The following LRPPRC variants were observed in gnomAD, a reference collection of about 807,000 sequenced individuals.
LRPPRC encodes leucine-rich PPR motif-containing protein, mitochondrial.
Under a neutral mutation model 180.3 loss-of-function variants are expected in LRPPRC, and 120 were observed. The observed-to-expected ratio is 0.67, with a 90% CI of 0.57 to 0.77. The LOEUF is 0.77. Ranked by LOEUF, LRPPRC falls within the 30% of genes least tolerant of loss-of-function variation. The pLI is 0.00. For missense variants in LRPPRC, 2,012 were observed against 1,657.2 expected (o/e 1.21, Z -3.72); for synonymous variants, 723 against 600.0 (o/e 1.21, Z -3.00).
intron 14 of LRPPRC, among the ~76,000 whole-genome samples, chr2:43,957,168 C>T (rs1357535111): frequency 6.6e-6 from 1 of 152,156 alleles, no homozygotes. Context: ...GGATCTTTAC[C>T]AAACCTGTGT....
intron 35 of LRPPRC, among the ~76,000 whole-genome samples, chr2:43,895,599 C>A (rs1006425035): frequency 1.3e-5 from 2 of 152,116 alleles, no homozygotes; most frequent in Non-Finnish European, 2.9e-5. Context: ...TAAATATTTT[C>A]TAAAAGTTGT....
At chr2:43,911,006 G>A (rs994797560) in intron 30 of LRPPRC, among the ~76,000 whole-genome samples, 4 of 151,816 alleles carry the variant, frequency 2.6e-5, no homozygotes, top group African/African-American at 9.7e-5. Context: ...ATCACAGAGA[G>A]GGTTGGGATG....
At chr2:43,956,708 G>A (rs1221484351) in intron 14 of LRPPRC, among the ~76,000 whole-genome samples, 1 of 152,074 alleles carries the variant, frequency 6.6e-6, no homozygotes, top group Non-Finnish European at 1.5e-5. Flanking sequence ...TGGCCAACAT[G>A]GTGAAACCCC....
intron 2 of LRPPRC, among the ~76,000 whole-genome samples, chr2:43,980,387 C>G (rs992018302): frequency 6.6e-6 from 1 of 151,904 alleles, no homozygotes. Context: ...AACCCTGTCT[C>G]TACTAAAAAT....
At chr2:43,969,078 A>G (rs531851819) in intron 11 of LRPPRC, among the ~76,000 whole-genome samples, 9 of 152,172 alleles carry the variant, frequency 5.9e-5, no homozygotes, top group Non-Finnish European at 8.8e-5. Context: ...ACAAAAGTAT[A>G]AAGTAATTTC....
In LRPPRC at chr2:43,973,726, A is replaced by G. The variant is rs149449510; in HGVS notation, c.1262-12T>C. The G allele has an allele frequency of 2.9e-4, 460 of 1,604,664 alleles. 3 individuals are homozygous for G. In the East Asian group the frequency reaches 8.8e-3, roughly 31 times the overall value. On this transcript the variant is annotated splice_polypyrimidine_tract_variant and intron_variant, in intron 10 of 37. Coordinates refer to ENST00000260665, the MANE Select transcript of LRPPRC (RefSeq NM_133259.4). ...GGCTTTTGCCAAATCTGAAAGAGAT[A>G]TCATAAAAGATCACAAAGCTACCTC...
At chr2:43,918,582 A>G (rs1312952012) in intron 27 of LRPPRC, among the ~76,000 whole-genome samples, 184 bp from the exon 28 acceptor site, 1 of 152,004 alleles carries the variant, frequency 6.6e-6, no homozygotes, top group Non-Finnish European at 1.5e-5. Context: ...GTACTTCTGA[A>G]TTACAAACCA....
intron 6 of LRPPRC, among the ~76,000 whole-genome samples, chr2:43,975,864 T>C (rs937519017): frequency 6.6e-6 from 1 of 152,124 alleles, no homozygotes; most frequent in Non-Finnish European, 1.5e-5. Flanking sequence ...ATTACAGGCA[T>C]GAGCCACCAC....
At chr2:43,942,684 T>G (rs1672525652) in intron 23 of LRPPRC, among the ~76,000 whole-genome samples, 1 of 152,072 alleles carries the variant, frequency 6.6e-6, no homozygotes. Context: ...ACCAGAAATT[T>G]GGGGAAAACA....
chr2:43,889,606 C>A (rs1275855735), intron 37 of LRPPRC, 128 bp downstream of exon 37: 2 of 821,230 alleles, frequency 2.4e-6, no homozygotes, highest in Non-Finnish European at 4.2e-6. Context: ...TCAAGCCATC[C>A]CCTGAGGGCT....
intron 27 of LRPPRC, among the ~76,000 whole-genome samples, chr2:43,922,609 A>G (rs1168717754): frequency 6.6e-6 from 1 of 152,172 alleles, no homozygotes; most frequent in Non-Finnish European, 1.5e-5. Context: ...AATACAAAAA[A>G]TTAGCCAGGT....
chr2:43,930,929 G>A (rs533596648), intron 25 of LRPPRC, among the ~76,000 whole-genome samples: 18 of 152,156 alleles, frequency 1.2e-4, no homozygotes, highest in African/African-American at 4.3e-4. Context: ...GACCTTTTCA[G>A]GTACTTCATT....
Position 43,976,173 on chromosome 2 carries a change from C to G in LRPPRC, c.707G>C (p.Ser236Thr), listed in dbSNP as rs150677004. 1.9e-6 allele frequency: 3 copies of G among 1,612,634 alleles called. No homozygotes were observed. The African/African-American group carries it at 4.0e-5, about 22-fold the overall frequency. Residue 236 changes from serine (S) to threonine (T), a missense_variant, in exon 6 of 38, where the codon AGT (serine) becomes ACT (threonine). Physicochemically the swap from Ser to Thr is moderately conservative, Grantham distance 58. Coordinates refer to ENST00000260665, the MANE Select transcript of LRPPRC (RefSeq NM_133259.4). ...KDLPVTEAVF[S>T]ALVTGHARAG... ...TCTGGCATGCCCTGTCACAAGGGCA[C>G]TGAATACTGCCTCTGTAACTGGGAG...
intron 13 of LRPPRC, chr2:43,959,301 AACT>A: frequency 1.5e-6 from 1 of 688,162 alleles, no homozygotes; most frequent in Non-Finnish European, 2.7e-6. Flanking sequence ...TGACTCAAAT[AACT>A]ACAACAGTCA....
intron 14 of LRPPRC, among the ~76,000 whole-genome samples, chr2:43,953,701 C>G (rs538745665): frequency 6.6e-6 from 1 of 152,080 alleles, no homozygotes; most frequent in East Asian, 1.9e-4. Context: ...AATCCATTTT[C>G]GAATATTTTC....
intron 29 of LRPPRC, among the ~76,000 whole-genome samples, chr2:43,913,754 T>G (rs781526000): frequency 1.1e-4 from 16 of 152,208 alleles, no homozygotes; most frequent in Admixed American, 3.3e-4. Flanking sequence ...AATTTCCAAG[T>G]GCTTTACACT....
chr2:43,996,160 C>T (rs116993909), upstream of LRPPRC, among the ~76,000 whole-genome samples: 1 of 152,312 alleles, frequency 6.6e-6, no homozygotes, highest in Non-Finnish European at 1.5e-5. Context: ...TTGCTTGATT[C>T]ATTATCGAAG....
intron 36 of LRPPRC, among the ~76,000 whole-genome samples, chr2:43,890,949 C>A (rs1670469286): frequency 1.3e-5 from 2 of 152,072 alleles, no homozygotes; most frequent in African/African-American, 4.8e-5. Context: ...TCACATAAAC[C>A]CCTGCCCTAC....
intron 27 of LRPPRC, among the ~76,000 whole-genome samples, chr2:43,924,327 A>T (rs559116662): frequency 2.0e-5 from 3 of 152,344 alleles, no homozygotes; most frequent in African/African-American, 7.2e-5. Context: ...GTATAAAAGT[A>T]CTAGAGCATT....
Sources: gnomAD v4.1 joint callset for allele counts (sites outside exome capture counted in the v4.1 genomes callset) on GRCh38, gnomAD v4.1.1 for gene constraint, MANE v1.5 for transcripts, NCBI Gene and HGNC (gene_info 2026-07-23, HGNC 2026-07-21) for gene names.